RIMS2: variants seen among roughly 807,000 people sequenced by gnomAD.
The protein encoded by RIMS2 is regulating synaptic membrane exocytosis 2, also known as regulating synaptic membrane exocytosis protein 2.
A neutral mutation model predicts 174.4 loss-of-function variants in RIMS2; 59 were observed. The ratio of observed to expected loss-of-function variants is 0.34; its 90% confidence interval spans 0.27 to 0.42. The LOEUF (loss-of-function observed/expected upper bound fraction) is 0.42, where lower values mean the gene tolerates loss of function less well. Ranked by LOEUF, RIMS2 falls within the 10% of genes least tolerant of loss-of-function variation. RIMS2 has a pLI of 1.00. For synonymous variants in RIMS2, 606 were observed against 572.5 expected (o/e 1.06, Z -0.84); for missense variants, 1,620 against 1,666.3 (o/e 0.97, Z 0.48).
At position 103,848,008 on chromosome 8, in the gene RIMS2, C is replaced by T. The variant is rs571403412; in HGVS notation, c.699-37290C>T. On this transcript the variant is annotated intron_variant, in intron 3 of 23. Transcript: ENST00000504942. ...ACACATAAGTATGTAATGCAAGGAT[C>T]CACATACCCTCAGCCCACTCCCAAA... 1.2e-3 allele frequency among the ~76,000 whole-genome samples: 175 copies of T among 151,604 alleles called. No individual in the cohort carries two copies. In the South Asian group the frequency reaches 0.012, roughly 10 times the overall value.
intron 3 of RIMS2, among the ~76,000 whole-genome samples, chr8:103,839,347 C>T (rs371119242): frequency 9.0e-4 from 137 of 152,226 alleles, no homozygotes; most frequent in African/African-American, 3.2e-3. Context: ...ATGTTTTCAT[C>T]TTGAGAATGC....
intron 19 of RIMS2, among the ~76,000 whole-genome samples, chr8:104,100,908 T>C (rs1018842652): frequency 7.2e-6 from 1 of 138,370 alleles, no homozygotes; most frequent in Non-Finnish European, 1.5e-5. Flanking sequence ...TTATATATTA[T>C]ATGTAATATA....
At chr8:103,739,590 C>T (rs1178696876) in intron 2 of RIMS2, among the ~76,000 whole-genome samples, 2 of 152,172 alleles carry the variant, frequency 1.3e-5, no homozygotes, top group Non-Finnish European at 2.9e-5. Flanking sequence ...AGGCATATCA[C>T]TGGAACTTAG....
At chr8:104,148,942 G>A in intron 19 of RIMS2, 94 bp downstream of exon 25, 1 of 1,252,720 alleles carries the variant, frequency 8.0e-7, no homozygotes, top group South Asian at 1.4e-5. Flanking sequence ...AGTAATGTGT[G>A]GATGATGACA....
rs1822535318 is a variant in RIMS2, at chr8:103,504,833, CTTTTCTTTCTTTCT to C, written c.176+3776_176+3789del. Among the ~76,000 whole-genome samples, 15 of 124,502 alleles carry C rather than the reference CTTTTCTTTCTTTCT, an allele frequency of 1.2e-4. No homozygotes were observed. The South Asian group carries it at 3.9e-3, about 33-fold the overall frequency. 81.7% of individuals were successfully genotyped at this position (124,502 alleles called of 152,430 possible). A position where few individuals can be genotyped will look rare whatever the true frequency, so the allele number is the denominator to read the frequency against. On this transcript the variant is annotated intron_variant, in intron 1 of 23. Coordinates refer to ENST00000504942, the Ensembl canonical transcript of RIMS2. ...TAAAATCTTTTTTTTTCTTTCTTTT[CTTTTCTTTCTTTCT>C]TTTTTTTTTTTTTTTTTTGAGATAG... is the stretch of plus-strand genomic sequence containing the variant.
intron 19 of RIMS2, among the ~76,000 whole-genome samples, chr8:104,162,106 T>C (rs1409607281): frequency 6.6e-6 from 1 of 152,200 alleles, no homozygotes; most frequent in East Asian, 1.9e-4. Context: ...GTCCTTTTGC[T>C]ATGTAATGTG....
chr8:103,619,624 A>G (rs1025173605), intron 1 of RIMS2, among the ~76,000 whole-genome samples: 10 of 152,114 alleles, frequency 6.6e-5, no homozygotes, highest in Non-Finnish European at 1.5e-5. Context: ...TACAAAAAGG[A>G]GGCAGGAGAA....
At chr8:103,510,858 A>G (rs1378568031) in intron 1 of RIMS2, among the ~76,000 whole-genome samples, 1 of 152,168 alleles carries the variant, frequency 6.6e-6, no homozygotes, top group Admixed American at 6.5e-5. Flanking sequence ...TGTTCCTGCA[A>G]TTAGGACAGA....
rs77620023 is a variant in RIMS2 at position 103,685,499 on chromosome 8, A to C, written c.177-11587A>C. On this transcript the variant is annotated intron_variant, in intron 1 of 23. Coordinates refer to ENST00000504942, the Ensembl canonical transcript of RIMS2. ...GGCCCCACCTCCAACATTGGAGATC[A>C]CATTTCAATATGAGATTTAGAGGGT... Among the ~76,000 whole-genome samples, 60 of 152,310 alleles carry C rather than the reference A, an allele frequency of 3.9e-4. No individual in the cohort carries two copies. The East Asian group carries it at 6.9e-3, about 18-fold the overall frequency.
chr8:103,938,726 T>C (rs958238595), intron 13 of RIMS2, among the ~76,000 whole-genome samples: 2 of 152,188 alleles, frequency 1.3e-5, no homozygotes, highest in Admixed American at 6.5e-5. Flanking sequence ...CCTATGAGAC[T>C]GTGTAATCAA....
chr8:103,904,442 G>A (rs886650796), intron 4 of RIMS2, among the ~76,000 whole-genome samples: 5 of 151,894 alleles, frequency 3.3e-5, no homozygotes, highest in African/African-American at 1.2e-4. Flanking sequence ...TTAGCTGTTG[G>A]ATTTTTATTG....
At chr8:104,159,878 C>A (rs908786001) in intron 19 of RIMS2, among the ~76,000 whole-genome samples, 5 of 152,024 alleles carry the variant, frequency 3.3e-5, no homozygotes, top group African/African-American at 1.2e-4. Flanking sequence ...GTGGCTCATG[C>A]CTGGAATCCC....
At chr8:103,984,879 T>G (rs185086591) in intron 16 of RIMS2, among the ~76,000 whole-genome samples, 1 of 152,336 alleles carries the variant, frequency 6.6e-6, no homozygotes, top group Admixed American at 6.5e-5. Flanking sequence ...ATCCTGTCAC[T>G]TGTAACAACA....
intron 4 of RIMS2, among the ~76,000 whole-genome samples, chr8:103,900,955 C>G (rs140265646): frequency 2.0e-5 from 3 of 152,038 alleles, no homozygotes; most frequent in South Asian, 4.1e-4. Context: ...TCATTAGTTG[C>G]GCATCTGTCT....
chr8:103,790,016 C>T (rs2098482532), intron 3 of RIMS2, among the ~76,000 whole-genome samples: 1 of 152,184 alleles, frequency 6.6e-6, no homozygotes, highest in African/African-American at 2.4e-5. Context: ...CCTGCCTTGG[C>T]TTCCCAAAGT....
chr8:104,042,841 C>G (rs1420081834), intron 19 of RIMS2, among the ~76,000 whole-genome samples: 1 of 151,390 alleles, frequency 6.6e-6, no homozygotes, highest in Non-Finnish European at 1.5e-5. Context: ...TATCAGCATT[C>G]AAGTGATGCC....
chr8:103,540,175 G>A (rs1000827793), intron 1 of RIMS2, among the ~76,000 whole-genome samples: 3 of 152,160 alleles, frequency 2.0e-5, no homozygotes, highest in Non-Finnish European at 4.4e-5. Flanking sequence ...AGCTCCATGG[G>A]TACTTTACAG....
chr8:103,723,572 C>T (rs188669287), intron 2 of RIMS2, among the ~76,000 whole-genome samples: 1 of 152,270 alleles, frequency 6.6e-6, no homozygotes, highest in Admixed American at 6.5e-5. Flanking sequence ...TGATGACTTG[C>T]AGCCTAGGGC....
In RIMS2 at chr8:103,656,888, CAATTT is replaced by C. The variant is rs1296064776; in HGVS notation, c.177-40197_177-40193del. 3.9e-5 allele frequency among the ~76,000 whole-genome samples: 6 copies of C among 152,102 alleles called. No homozygotes were observed. In the East Asian group the frequency reaches 1.2e-3, roughly 29 times the overall value. On this transcript the variant is annotated intron_variant, in intron 1 of 23. Coordinates refer to ENST00000504942, the Ensembl canonical transcript of RIMS2. ...GGTCCTAGCCTTAGGGAAGCCCCCA[CAATTT>C]TAAGGTTTTACTTCTGGGAGTACCA...
Sources: allele counts gnomAD v4.1 joint callset (sites outside exome capture counted in the v4.1 genomes callset), GRCh38; gene constraint gnomAD v4.1.1; transcripts MANE v1.5; gene names NCBI Gene and HGNC (gene_info 2026-07-23, HGNC 2026-07-21).